Variants in BCR observed in about 807,000 individuals in gnomAD.
BCR encodes the protein breakpoint cluster region protein.
BCR carries 58 observed loss-of-function variants against 138.6 expected under a neutral mutation model. The ratio of observed to expected loss-of-function variants is 0.42; its 90% confidence interval spans 0.34 to 0.52. The LOEUF (loss-of-function observed/expected upper bound fraction) is 0.52. Among genes scored for constraint, BCR ranks in the 20% least tolerant of loss-of-function variants. The pLI, the probability that BCR is intolerant of heterozygous loss-of-function variation, is 0.06. For missense variants in BCR, 1,599 were observed against 1,727.2 expected (o/e 0.93, Z 1.32); for synonymous variants, 786 against 730.1 (o/e 1.08, Z -1.23).
chr22:23,285,985 G>A (rs2073706784), intron 10 of BCR, among the ~76,000 whole-genome samples: 1 of 152,222 alleles, frequency 6.6e-6, no homozygotes, highest in African/African-American at 2.4e-5. Context: ...GGCTTGAGCT[G>A]TTCAAGTGTG....
intron 1 of BCR, among the ~76,000 whole-genome samples, chr22:23,190,534 T>TAA (rs2072400498): frequency 6.6e-6 from 1 of 152,230 alleles, no homozygotes; most frequent in Non-Finnish European, 1.5e-5. Context: ...ACCCCTGCTT[T>TAA]AACTTAATCA....
intron 2 of BCR, among the ~76,000 whole-genome samples, chr22:23,256,101 T>C (rs971704037): frequency 1.3e-5 from 2 of 152,206 alleles, no homozygotes; most frequent in African/African-American, 4.8e-5. Context: ...ATCTTTCATT[T>C]CTGATCTTTG....
intron 10 of BCR, 36 bp downstream of exon 10, chr22:23,285,237 G>T: frequency 1.3e-6 from 2 of 1,581,744 alleles, no homozygotes; most frequent in Non-Finnish European, 8.6e-7. Context: ...GGTTTGGTGT[G>T]GTCAGAGTGG....
chr22:23,262,860 G>T, intron 4 of BCR: 1 of 1,047,760 alleles, frequency 9.5e-7, no homozygotes, highest in African/African-American at 1.7e-5. Context: ...AGCCCGGGCC[G>T]CAGACGGCGA....
chr22:23,237,921 A>C (rs947089171), intron 1 of BCR, among the ~76,000 whole-genome samples: 2 of 152,226 alleles, frequency 1.3e-5, no homozygotes, highest in Non-Finnish European at 1.5e-5. Context: ...AAAGGAGCGA[A>C]AGAGTGCGCT....
chr22:23,307,163 A>G (rs1160850972), intron 16 of BCR, among the ~76,000 whole-genome samples: 3 of 152,164 alleles, frequency 2.0e-5, no homozygotes, highest in African/African-American at 4.8e-5. Context: ...TGGCATGATC[A>G]TGGCTCACAG....
Position 23,182,071 on chromosome 22 carries a change from T to C in BCR, c.1111T>C (p.Ser371Pro), listed in dbSNP as rs373071713. 6.2e-6 allele frequency: 10 copies of C among 1,613,468 alleles called. No homozygotes were observed. Among genetic ancestry groups the C allele is most frequent in the Non-Finnish European group, 8.5e-6 (10 of 1,180,026 alleles). ...RMFRDKSRSP[S>P]QNSQQSFDSS... is the part of the protein sequence containing the mutation. ...GTTCCGGGACAAAAGCCGCTCTCCC[T>C]CGCAGAACTCGCAACAGTCCTTCGA... Residue 371 changes from serine to proline, a missense_variant, in exon 1 of 23, where the codon TCG becomes CCG. By Grantham distance (74) the Ser-to-Pro change is moderately conservative. Around this residue, in one of 4 missense-constraint regions of BCR, gnomAD observed 806 missense variants for 635.0 expected, o/e 1.27. Coordinates refer to ENST00000305877, the MANE Select transcript of BCR (RefSeq NM_004327.4).
intron 1 of BCR, among the ~76,000 whole-genome samples, chr22:23,183,932 C>T (rs1328535855): frequency 6.6e-6 from 1 of 152,186 alleles, no homozygotes; most frequent in African/African-American, 2.4e-5. Flanking sequence ...AGCCCAGTGC[C>T]TTGAGTCAGA....
intron 1 of BCR, among the ~76,000 whole-genome samples, chr22:23,183,076 G>C (rs998155703): frequency 6.6e-6 from 1 of 152,192 alleles, no homozygotes; most frequent in Non-Finnish European, 1.5e-5. Context: ...TGCTTATTTG[G>C]GGCTCCCAAT....
At chr22:23,211,655 TTTTTGTTTTG>T (rs143530091) in intron 1 of BCR, among the ~76,000 whole-genome samples, 5 of 151,674 alleles carry the variant, frequency 3.3e-5, no homozygotes, top group Non-Finnish European at 2.9e-5. Context: ...TGGCTAGTTT[TTTTTGTTTTG>T]TTTTGTTTTG....
rs1293865515 is a variant in BCR at position 23,234,751 on chromosome 22, G to A, written c.1280-19048G>A. Among the ~76,000 whole-genome samples, 8 of 109,094 alleles carry A rather than the reference G, an allele frequency of 7.3e-5. 3 individuals are homozygous for A. Among genetic ancestry groups the A allele is most frequent in the Non-Finnish European group, 1.7e-4 (7 of 42,036 alleles). The allele number at this position is 109,094 out of a possible 152,430, so 71.6% of individuals were successfully genotyped here. On this transcript the variant is annotated intron_variant, in intron 1 of 22. Coordinates refer to ENST00000305877, the MANE Select transcript of BCR (RefSeq NM_004327.4). Reference sequence around the variant, plus strand: ...CGCAGCGAGCATGAGGGGACTGTGCGAAGCCATGAGCTCCAGACTCCCCAG... The same window carrying A: ...CGCAGCGAGCATGAGGGGACTGTGCAAAGCCATGAGCTCCAGACTCCCCAG...
intron 4 of BCR, chr22:23,261,837 G>A (rs1035367347): frequency 1.5e-5 from 3 of 195,596 alleles, no homozygotes; most frequent in Non-Finnish European, 2.1e-5. Context: ...ATTCACAGGC[G>A]CAATTCCACT....
chr22:23,271,436 G>C, intron 5 of BCR, 96 bp from the exon 6 acceptor site: 1 of 1,288,830 alleles, frequency 7.8e-7, no homozygotes, highest in Non-Finnish European at 1.1e-6. Context: ...GTTTGTTGTA[G>C]TGAGGGAAAG....
intron 1 of BCR, 129 bp downstream of exon 1, chr22:23,182,368 G>C (rs1312279266): frequency 1.8e-6 from 2 of 1,123,276 alleles, no homozygotes; most frequent in African/African-American, 1.6e-5. Flanking sequence ...TGCACTTGTG[G>C]TTCACGCGGA....
At chr22:23,240,341 GTGTC>G (rs1008758141) in intron 1 of BCR, among the ~76,000 whole-genome samples, 75 of 146,002 alleles carry the variant, frequency 5.1e-4, no homozygotes, top group South Asian at 3.7e-3. Flanking sequence ...GTGTGTGTGT[GTGTC>G]TGTCTATGTG....
intron 16 of BCR, among the ~76,000 whole-genome samples, chr22:23,308,971 C>T (rs1377083660): frequency 6.6e-6 from 1 of 151,992 alleles, no homozygotes; most frequent in Non-Finnish European, 1.5e-5. Context: ...CCTGCAGGCT[C>T]CTCCCGCCAC....
intron 13 of BCR, 110 bp from the exon 14 acceptor site, chr22:23,290,229 T>C: frequency 9.2e-7 from 1 of 1,092,560 alleles, no homozygotes; most frequent in Non-Finnish European, 1.4e-6. Flanking sequence ...GCCAGGCAGA[T>C]GGCAGCCACA....
chr22:23,275,458 G>A (rs1431566000), intron 8 of BCR, among the ~76,000 whole-genome samples: 1 of 152,248 alleles, frequency 6.6e-6, no homozygotes, highest in African/African-American at 2.4e-5. Context: ...TTGGCTCCTT[G>A]GCAGTCTCTG....
At chr22:23,198,169 A>G in intron 1 of BCR, 1 of 371,354 alleles carries the variant, frequency 2.7e-6, no homozygotes, top group Non-Finnish European at 5.3e-6. Flanking sequence ...TGAGTATAGG[A>G]GAGACCAGAG....
Sources: allele counts gnomAD v4.1 joint callset (sites outside exome capture counted in the v4.1 genomes callset), GRCh38; gene constraint gnomAD v4.1.1; regional missense constraint gnomAD v4.1.1; transcripts MANE v1.5; gene names NCBI Gene and HGNC (gene_info 2026-07-23, HGNC 2026-07-21).